TMEM163: variants seen among roughly 807,000 people sequenced by gnomAD.
TMEM163 encodes the protein transmembrane protein 163.
A neutral mutation model predicts 29.3 loss-of-function variants in TMEM163; 17 were observed. The ratio of observed to expected loss-of-function variants is 0.58; its 90% CI spans 0.40 to 0.87. The LOEUF (loss-of-function observed/expected upper bound fraction) is 0.87. TMEM163 is among the 40% of genes least tolerant of loss of function. TMEM163 has a pLI of 0.00. For missense variants in TMEM163, 303 were observed against 381.5 expected (o/e 0.79, Z 1.71); for synonymous variants, 157 against 160.6 (o/e 0.98, Z 0.17).
At chr2:134,525,056 G>A (rs975624270) in intron 4 of TMEM163, among the ~76,000 whole-genome samples, 3 of 152,050 alleles carry the variant, frequency 2.0e-5, no homozygotes, top group East Asian at 1.9e-4. Context: ...TTTAATAATC[G>A]CCATTCTGAT....
chr2:134,502,041 A>G (rs1264188493), intron 5 of TMEM163, among the ~76,000 whole-genome samples: 1 of 152,196 alleles, frequency 6.6e-6, no homozygotes, highest in East Asian at 1.9e-4. Flanking sequence ...CTATAAAAAC[A>G]CACATATACA....
At chr2:134,475,263 G>A (rs1186953863) in intron 5 of TMEM163, among the ~76,000 whole-genome samples, 1 of 152,058 alleles carries the variant, frequency 6.6e-6, no homozygotes, top group Non-Finnish European at 1.5e-5. Flanking sequence ...GCAATCCAGT[G>A]GAAAATGTAA....
At chr2:134,605,966 C>T (rs974137753) in intron 2 of TMEM163, among the ~76,000 whole-genome samples, 6 of 152,126 alleles carry the variant, frequency 3.9e-5, no homozygotes, top group African/African-American at 1.4e-4. Context: ...AACAGAAGTC[C>T]CCCTGGGGGT....
chr2:134,592,205 TG>T (rs1293669544), intron 2 of TMEM163, among the ~76,000 whole-genome samples: 2 of 152,174 alleles, frequency 1.3e-5, no homozygotes, highest in African/African-American at 4.8e-5. Flanking sequence ...CCAAGGTTCT[TG>T]TTATGTAGAT....
chr2:134,519,889 C>CA (rs552174731), intron 4 of TMEM163, among the ~76,000 whole-genome samples: 41,410 of 95,982 alleles, frequency 0.43, 7,851 homozygotes, highest in South Asian at 0.56. Context: ...GACCCCACCT[C>CA]AAAAAAAAAA....
rs957911505 is a variant in TMEM163 at position 134,647,326 on chromosome 2, C to G, written c.322+65874G>C. ...GCAATCACAAAAGAAATAGTCTCAG[C>G]CTTTTTATAAAATTTAAAGAGGAAG... On this transcript the variant is annotated intron_variant, in intron 2 of 7. Transcript: ENST00000281924. Among the ~76,000 whole-genome samples the G allele has an allele frequency of 1.1e-4, 16 of 152,266 alleles. No homozygotes were observed. The East Asian group carries it at 3.1e-3, about 29-fold the overall frequency.
At chr2:134,536,843 T>TA (rs1680552944) in intron 4 of TMEM163, among the ~76,000 whole-genome samples, 1 of 152,158 alleles carries the variant, frequency 6.6e-6, no homozygotes, top group Non-Finnish European at 1.5e-5. Context: ...GTAAGAGCCA[T>TA]AGCTCTAGGT....
At chr2:134,562,982 A>G (rs1173517659) in intron 2 of TMEM163, among the ~76,000 whole-genome samples, 5 of 152,220 alleles carry the variant, frequency 3.3e-5, no homozygotes, top group African/African-American at 1.2e-4. Context: ...CAGAGCTTAG[A>G]CTTTTCCACA....
chr2:134,708,459 C>T (rs1295972759), intron 2 of TMEM163, among the ~76,000 whole-genome samples: 3 of 152,058 alleles, frequency 2.0e-5, no homozygotes, highest in African/African-American at 4.8e-5. Flanking sequence ...ACATTAAAAT[C>T]AAATAAATTA....
chr2:134,575,379 G>A (rs898689188), intron 2 of TMEM163, among the ~76,000 whole-genome samples: 7 of 152,112 alleles, frequency 4.6e-5, no homozygotes, highest in African/African-American at 1.7e-4. Context: ...CAAGAGCCAG[G>A]CCGAGAATCG....
At chr2:134,629,076 G>GT (rs1298218925) in intron 2 of TMEM163, among the ~76,000 whole-genome samples, 5 of 152,152 alleles carry the variant, frequency 3.3e-5, no homozygotes, top group African/African-American at 7.2e-5. Flanking sequence ...TGATGCGCCA[G>GT]GTCTTACCTA....
intron 4 of TMEM163, among the ~76,000 whole-genome samples, chr2:134,508,620 C>A (rs532397547): frequency 2.0e-5 from 3 of 152,156 alleles, no homozygotes; most frequent in Non-Finnish European, 4.4e-5. Flanking sequence ...GAAGCCAAAC[C>A]GGCACCATCT....
chr2:134,659,494 G>A (rs550818277), intron 2 of TMEM163, among the ~76,000 whole-genome samples: 1 of 152,282 alleles, frequency 6.6e-6, no homozygotes, highest in African/African-American at 2.4e-5. Flanking sequence ...ATGAGCAAGT[G>A]TGGATGGCAG....
At position 134,511,157 on chromosome 2, in the gene TMEM163, G is replaced by GT. The variant is rs1679939192; in HGVS notation, c.459-8161_459-8160insA. ...AGAAAAAAGGGGAGAACAAGGCGGG[G>GT]GGGGGTGCTGTTACTTTATATCCAG... On this transcript the variant is annotated intron_variant, in intron 4 of 7. Coordinates refer to ENST00000281924, the MANE Select transcript of TMEM163 (RefSeq NM_030923.5). 2.7e-5 allele frequency among the ~76,000 whole-genome samples: 4 copies of GT among 150,882 alleles called. No homozygotes were observed. The South Asian group carries it at 8.4e-4, about 32-fold the overall frequency.
chr2:134,691,426 C>A (rs749788534), intron 2 of TMEM163, among the ~76,000 whole-genome samples: 6 of 152,190 alleles, frequency 3.9e-5, no homozygotes, highest in Non-Finnish European at 8.8e-5. Context: ...AGCCATGAAG[C>A]TGATATTTTG....
intron 2 of TMEM163, among the ~76,000 whole-genome samples, chr2:134,616,512 C>T (rs182765420): frequency 3.3e-5 from 5 of 152,168 alleles, no homozygotes; most frequent in African/African-American, 1.2e-4. Context: ...GTTACATTTC[C>T]AAAACCCCCA....
chr2:134,486,320 A>G (rs1269580061), intron 5 of TMEM163, among the ~76,000 whole-genome samples: 1 of 152,218 alleles, frequency 6.6e-6, no homozygotes, highest in Non-Finnish European at 1.5e-5. Flanking sequence ...CAAGGAAGGC[A>G]CTACTAACGA....
intron 2 of TMEM163, among the ~76,000 whole-genome samples, chr2:134,644,042 G>A (rs1027308645): frequency 3.3e-5 from 5 of 151,922 alleles, no homozygotes; most frequent in African/African-American, 1.2e-4. Flanking sequence ...ATTAAATGCA[G>A]GTAAATCTAA....
rs375232365 is a variant in TMEM163, at chr2:134,712,107, T to G, written c.322+1093A>C. Among the ~76,000 whole-genome samples the G allele has an allele frequency of 2.0e-5, 3 of 152,348 alleles. 1 individual carries two copies. The highest frequency in any genetic ancestry group is 3.9e-4 in the East Asian group (2 of 5,184). ...TCACCGGTAAAAAACGTTTATACTC[T>G]GGAATGCATTGCCCTCCACTTCTAA... On this transcript the variant is annotated intron_variant, in intron 2 of 7. Transcript: ENST00000281924.
Sources: allele counts gnomAD v4.1 joint callset (sites outside exome capture counted in the v4.1 genomes callset), GRCh38; gene constraint gnomAD v4.1.1; transcripts MANE v1.5; gene names NCBI Gene and HGNC (gene_info 2026-07-23, HGNC 2026-07-21).